SLC39A9: variants seen among roughly 807,000 people sequenced by gnomAD.
The protein encoded by SLC39A9 is zinc transporter ZIP9.
In SLC39A9, 14 loss-of-function variants were observed where a neutral mutation model predicts 28.4. The observed-to-expected ratio is 0.49, with a 90% CI of 0.33 to 0.77. The LOEUF (loss-of-function observed/expected upper bound fraction) is 0.77. Ranked by LOEUF, SLC39A9 falls within the 30% of genes least tolerant of loss-of-function variation. The probability of loss-of-function intolerance (pLI) is 0.02; values close to 1 mark genes in which losing one functional copy is unlikely to be tolerated. For missense variants in SLC39A9, 283 were observed against 381.1 expected, an observed-to-expected ratio of 0.74 and a Z score of 2.14; for synonymous variants, 119 against 149.6, an observed-to-expected ratio of 0.80 and a Z score of 1.49.
At chr14:69,425,707 G>A (rs960914302) in intron 2 of SLC39A9, among the ~76,000 whole-genome samples, 5 of 151,458 alleles carry the variant, frequency 3.3e-5, no homozygotes, top group East Asian at 1.9e-4. Flanking sequence ...TCACTCTGTC[G>A]CCCAGGCTAT....
intron 2 of SLC39A9, among the ~76,000 whole-genome samples, chr14:69,425,995 C>T (rs1008951712): frequency 5.9e-5 from 9 of 152,014 alleles, no homozygotes; most frequent in African/African-American, 1.5e-4. Context: ...AATTATCTAC[C>T]GTGTGTTAGG....
In SLC39A9 at chr14:69,447,973, G is replaced by A. The variant is rs1885416704; in HGVS notation, c.404-5268G>A. 2.0e-5 allele frequency among the ~76,000 whole-genome samples: 3 copies of A among 150,580 alleles called. No homozygotes were observed. In the South Asian group the frequency reaches 6.3e-4, roughly 32 times the overall value. On this transcript the variant is annotated intron_variant, in intron 3 of 6. Transcript: ENST00000336643. ...CTCAGGCTTGTAATCCCAGCACTTT[G>A]GGAGGCCGAGGCAGGTGGATCACAA...
At position 69,415,409 on chromosome 14, in the gene SLC39A9, A is replaced by G. The variant is rs1425649115; in HGVS notation, c.97-8685A>G. Among the ~76,000 whole-genome samples, 4 of 152,336 alleles carry G rather than the reference A, an allele frequency of 2.6e-5. No homozygotes were observed. The South Asian group carries it at 6.2e-4, about 24-fold the overall frequency. On this transcript the variant is annotated intron_variant, in intron 1 of 6. Coordinates refer to ENST00000336643, the MANE Select transcript of SLC39A9 (RefSeq NM_018375.5). The stretch of plus-strand genomic sequence containing the variant: ...TTGAGCACCTTTTCATGGGCTTATT[A>G]GCCATTCATACATCTTTTGTGAAGT...
At chr14:69,417,164 G>A (rs1335044769) in intron 1 of SLC39A9, among the ~76,000 whole-genome samples, 1 of 152,132 alleles carries the variant, frequency 6.6e-6, no homozygotes, top group Admixed American at 6.5e-5. Context: ...TGTAAGGAAG[G>A]GATCCAGTTT....
In SLC39A9 at chr14:69,460,252, C is replaced by G; in HGVS notation, c.*1659C>G. 1.0e-6 allele frequency: 1 copy of G among 985,814 alleles called. No individual in the cohort carries two copies. The highest frequency in any genetic ancestry group is 1.7e-5 in the African/African-American group (1 of 57,354). 61.1% of individuals were successfully genotyped at this position (985,814 alleles called of 1,614,324 possible). On this transcript the variant is annotated 3_prime_UTR_variant, in exon 7 of 7. Coordinates refer to ENST00000336643, the MANE Select transcript of SLC39A9 (RefSeq NM_018375.5). Reference sequence around the variant, plus strand: ...AGCTAGCATGCCTATGATTTATTTCCTTCATGAATTTGTCACTGGATCAGC... The same window carrying G: ...AGCTAGCATGCCTATGATTTATTTCGTTCATGAATTTGTCACTGGATCAGC...
At chr14:69,400,188 G>A (rs564291440) in intron 1 of SLC39A9, among the ~76,000 whole-genome samples, 8 of 151,946 alleles carry the variant, frequency 5.3e-5, no homozygotes, top group African/African-American at 1.9e-4. Flanking sequence ...TTGGATGTCT[G>A]TACTAGAATG....
Position 69,455,827 on chromosome 14 carries a change from A to G in SLC39A9, c.654A>G (p.Ala218=). 6.2e-7 allele frequency: 1 copy of G among 1,614,216 alleles called. No individual in the cohort carries two copies. Among genetic ancestry groups the G allele is most frequent in the Non-Finnish European group, 8.5e-7 (1 of 1,180,044 alleles). The part of the protein sequence containing the change: ...RKHLLVFALA[A]PVMSMVTYLG... ...ACTTGCTGGTCTTTGCATTGGCAGC[A>G]CCAGTTATGTCCATGGTGACATACT... is the stretch of plus-strand genomic sequence containing the variant. The change falls in exon 6 of 7, where the codon GCA becomes GCG. Residue 218 remains alanine (A), a synonymous_variant. Coordinates refer to ENST00000336643, the MANE Select transcript of SLC39A9 (RefSeq NM_018375.5).
At chr14:69,452,396 C>T (rs28531897) in intron 3 of SLC39A9, among the ~76,000 whole-genome samples, 47,270 of 152,022 alleles carry the variant, frequency 0.31, 7,557 homozygotes, top group Middle Eastern at 0.46. Flanking sequence ...ATGGCACAAT[C>T]TCGGCTCATT....
chr14:69,406,343 C>T (rs77312616), intron 1 of SLC39A9, among the ~76,000 whole-genome samples: 6,878 of 152,260 alleles, frequency 0.045, 215 homozygotes, highest in South Asian at 0.11. Flanking sequence ...ATGAATTTCA[C>T]ACTTGACATC....
intron 1 of SLC39A9, among the ~76,000 whole-genome samples, chr14:69,422,833 C>T (rs1289561647): frequency 2.6e-5 from 4 of 152,028 alleles, no homozygotes; most frequent in African/African-American, 9.7e-5. Context: ...ATCCACCCAC[C>T]TAGTTGTAGT....
chr14:69,403,717 T>G (rs1214212658), intron 1 of SLC39A9, among the ~76,000 whole-genome samples: 1 of 152,196 alleles, frequency 6.6e-6, no homozygotes, highest in Non-Finnish European at 1.5e-5. Flanking sequence ...GCAGACCAGT[T>G]TGAGTTATAA....
rs1234825472 is a variant in SLC39A9, at chr14:69,446,028, G to A, written c.403+3762G>A. On this transcript the variant is annotated intron_variant, in intron 3 of 6. Coordinates refer to ENST00000336643, the MANE Select transcript of SLC39A9 (RefSeq NM_018375.5). ...ATAAACAAATACTGAACTCGTTGTT[G>A]TTGTTGTTGTTGTTGTTGTTTGTAA... Among the ~76,000 whole-genome samples the A allele has an allele frequency of 4.9e-5, 5 of 101,366 alleles. 1 individual carries two copies. In the South Asian group the frequency reaches 1.9e-3, roughly 38 times the overall value. The allele number at this position is 101,366 out of a possible 152,430, so 66.5% of individuals were successfully genotyped here.
chr14:69,434,106 C>T (rs1454945163), intron 2 of SLC39A9, among the ~76,000 whole-genome samples: 1 of 140,370 alleles, frequency 7.1e-6, no homozygotes, highest in African/African-American at 2.7e-5. Context: ...TTTTGCGCGA[C>T]AGAGTCTTGC....
chr14:69,398,579 A>G (rs1440279476), upstream of SLC39A9: 2 of 360,444 alleles, frequency 5.5e-6, no homozygotes, highest in Non-Finnish European at 1.0e-5. Flanking sequence ...ATCTTTCATT[A>G]GCCCTACTCA....
intron 1 of SLC39A9, among the ~76,000 whole-genome samples, chr14:69,422,617 C>G (rs1022284451): frequency 6.6e-6 from 1 of 152,132 alleles, no homozygotes; most frequent in African/African-American, 2.4e-5. Context: ...TGGAATCTTG[C>G]TCTGTCACCC....
intron 1 of SLC39A9, among the ~76,000 whole-genome samples, chr14:69,414,170 C>A (rs1883443868): frequency 6.6e-6 from 1 of 151,944 alleles, no homozygotes; most frequent in African/African-American, 2.4e-5. Flanking sequence ...CTCTCAGCCT[C>A]CTGAGTAGCT....
At chr14:69,445,162 G>A (rs1348693788) in intron 3 of SLC39A9, among the ~76,000 whole-genome samples, 1 of 152,012 alleles carries the variant, frequency 6.6e-6, no homozygotes, top group African/African-American at 2.4e-5. Flanking sequence ...ATATGAGTTT[G>A]AACTGTGTGA....
In SLC39A9 at chr14:69,462,247, A is replaced by G. The variant is rs993867168; in HGVS notation, c.*3654A>G. On this transcript the variant is annotated 3_prime_UTR_variant, in exon 7 of 7. Transcript: ENST00000336643. ...TTCAATAGCTGGAACAGTGATTTTA[A>G]ATGTCCCTTTTTCTGGATCCCTTGT... is the stretch of plus-strand genomic sequence containing the variant. 1 of 152,328 alleles carries G rather than the reference A, an allele frequency of 6.6e-6. No individual in the cohort carries two copies. Among genetic ancestry groups the G allele is most frequent in the Non-Finnish European group, 1.5e-5 (1 of 68,142 alleles). The allele number at this position is 152,328 out of a possible 1,614,324, so 9.4% of individuals were successfully genotyped here.
intron 1 of SLC39A9, among the ~76,000 whole-genome samples, chr14:69,423,847 G>C (rs929296590): frequency 6.7e-6 from 1 of 149,830 alleles, no homozygotes; most frequent in Admixed American, 6.7e-5. Context: ...GCAGTGAGCC[G>C]AGACCACGCC....
Sources: allele counts gnomAD v4.1 joint callset (sites outside exome capture counted in the v4.1 genomes callset), GRCh38; gene constraint gnomAD v4.1.1; transcripts MANE v1.5; gene names NCBI Gene and HGNC (gene_info 2026-07-23, HGNC 2026-07-21).